Variants in ZNF33A observed in about 807,000 individuals in gnomAD.
ZNF33A encodes the protein zinc finger protein 33A.
Under a neutral mutation model 15.9 loss-of-function variants are expected in ZNF33A, and 9 were observed. That is an observed-to-expected ratio of 0.57 (90% CI 0.34 to 0.99). The LOEUF (loss-of-function observed/expected upper bound fraction) is 0.99. ZNF33A is among the 50% of genes least tolerant of loss of function. The probability of loss-of-function intolerance (pLI) is 0.02; values close to 1 mark genes in which losing one functional copy is unlikely to be tolerated. For missense variants in ZNF33A, 843 were observed against 941.6 expected (o/e 0.90, Z 1.37); for synonymous variants, 294 against 324.2 (o/e 0.91, Z 1.00).
At chr10:38,047,241 G>A (rs2135724513) in intron 4 of ZNF33A, among the ~76,000 whole-genome samples, 1 of 145,316 alleles carries the variant, frequency 6.9e-6, no homozygotes, top group South Asian at 2.2e-4. Flanking sequence ...ACAACTAATG[G>A]CAGTTTAAAC....
intron 4 of ZNF33A, among the ~76,000 whole-genome samples, chr10:38,037,346 G>A (rs1034146861): frequency 3.3e-5 from 3 of 91,240 alleles, no homozygotes; most frequent in African/African-American, 1.3e-4. Flanking sequence ...TTTTTTTTTT[G>A]AGAGGAAGTC....
At chr10:38,051,796 A>G (rs1213681269) in intron 4 of ZNF33A, among the ~76,000 whole-genome samples, 2 of 152,068 alleles carry the variant, frequency 1.3e-5, no homozygotes, top group Non-Finnish European at 2.9e-5. Flanking sequence ...ACTGCCTCAC[A>G]TTTTTATTTT....
chr10:38,054,357 A>G lies in ZNF33A; in HGVS notation c.251-18A>G, dbSNP rs1265546296. 1 of 1,514,232 alleles carries G rather than the reference A, an allele frequency of 6.6e-7. No individual in the cohort carries two copies. Among genetic ancestry groups the G allele is most frequent in the East Asian group, 2.3e-5 (1 of 43,562 alleles). 93.8% of individuals were successfully genotyped at this position (1,514,232 alleles called of 1,614,324 possible). On this transcript the variant is annotated intron_variant, in intron 4 of 4. Coordinates refer to ENST00000432900, the MANE Select transcript of ZNF33A (RefSeq NM_006954.2). ...GTTTTGGTATTTATGTGGTAAGATT[A>G]ATTTTGCTTGTTTCTAGAAGTCTGG...
chr10:38,047,409 C>G (rs2065994264), intron 4 of ZNF33A, among the ~76,000 whole-genome samples: 1 of 151,648 alleles, frequency 6.6e-6, no homozygotes, highest in Admixed American at 6.6e-5. Context: ...GCCTGTGGAT[C>G]ACGAGGTCAA....
intron 4 of ZNF33A, among the ~76,000 whole-genome samples, chr10:38,042,503 C>CTTTTTTTTTTTTTTTTT (rs34942508): frequency 7.4e-6 from 1 of 135,522 alleles, no homozygotes. Context: ...TTGCTTTATT[C>CTTTTTTTTTTTTTTTTT]TTTTTTTTTT....
Position 38,056,991 on chromosome 10 carries a change from C to G in ZNF33A, c.*431C>G. ...TGAGTAGAGAGAATTCCCATGTACA[C>G]TTCACCAAACTTCCTCTAAGGATAA... On this transcript the variant is annotated 3_prime_UTR_variant, in exon 5 of 5. Coordinates refer to ENST00000432900, the MANE Select transcript of ZNF33A (RefSeq NM_006954.2). 2 of 801,500 alleles carry G rather than the reference C, an allele frequency of 2.5e-6. No individual in the cohort carries two copies. The highest frequency in any genetic ancestry group is 3.0e-6 in the Non-Finnish European group (2 of 660,400). 49.6% of individuals were successfully genotyped at this position (801,500 alleles called of 1,614,324 possible).
At chr10:38,024,559 C>T (rs2064900409) in intron 4 of ZNF33A, among the ~76,000 whole-genome samples, 1 of 152,040 alleles carries the variant, frequency 6.6e-6, no homozygotes, top group South Asian at 2.1e-4. Flanking sequence ...AAACTTATTC[C>T]AAAATTTGCA....
chr10:38,038,757 C>T (rs2065562387), intron 4 of ZNF33A, among the ~76,000 whole-genome samples: 1 of 152,096 alleles, frequency 6.6e-6, no homozygotes, highest in African/African-American at 2.4e-5. Context: ...AAGTTTAACT[C>T]TATTCCTGGT....
In ZNF33A at chr10:38,055,157, A is replaced by T. The variant is rs767602605; in HGVS notation, c.1033A>T (p.Thr345Ser). 6.2e-7 allele frequency: 1 copy of T among 1,614,086 alleles called. No individual in the cohort carries two copies. The highest frequency in any genetic ancestry group is 8.5e-7 in the Non-Finnish European group (1 of 1,179,976). Residue 345 changes from threonine to serine, a missense_variant, in exon 5 of 5, where the codon ACT becomes TCT. Transcript: ENST00000432900. ...GKAFWEKSHL[T>S]RHQRVHTGQK... ...AGCTTTCTGGGAGAAGTCACATCTC[A>T]CTCGACATCAGAGGGTGCACACAGG...
intron 4 of ZNF33A, chr10:38,043,840 T>G (rs1473373712): frequency 1.3e-5 from 2 of 151,838 alleles, no homozygotes; most frequent in African/African-American, 2.4e-5. Flanking sequence ...CGTCAACAGA[T>G]GTGCAAGTTT....
At position 38,057,095 on chromosome 10, in the gene ZNF33A, T is replaced by C. The variant is rs2066515043; in HGVS notation, c.*535T>C. 2.9e-6 allele frequency: 2 copies of C among 691,356 alleles called. No individual in the cohort carries two copies. The highest frequency in any genetic ancestry group is 3.6e-6 in the Non-Finnish European group (2 of 560,548). The allele number at this position is 691,356 out of a possible 1,614,324, so 42.8% of individuals were successfully genotyped here. A position where few individuals can be genotyped will look rare whatever the true frequency, so the allele number is the denominator to read the frequency against. ...AGATAGAGACTTAGTCAGATTTTAC[T>C]ATGGTTTGCATGCACTCTGTGTGTG... On this transcript the variant is annotated 3_prime_UTR_variant, in exon 5 of 5. Transcript: ENST00000432900.
intron 4 of ZNF33A, among the ~76,000 whole-genome samples, chr10:38,039,221 T>G (rs2065587315): frequency 6.6e-6 from 1 of 152,036 alleles, no homozygotes; most frequent in South Asian, 2.1e-4. Flanking sequence ...GAAGTTTTCT[T>G]GTCTGTTTTT....
At chr10:38,038,143 CTTAT>C (rs1483655565) in intron 4 of ZNF33A, among the ~76,000 whole-genome samples, 1 of 151,964 alleles carries the variant, frequency 6.6e-6, no homozygotes, top group Admixed American at 6.6e-5. Context: ...TATTTATTTA[CTTAT>C]TTGAGACAGA....
chr10:38,057,619 T>C lies in ZNF33A; in HGVS notation c.*1059T>C, dbSNP rs1423622097. ...TGTTTATCCATTTAAAAGGTATAAA[T>C]CAAAATAACAAATTATCTAAAAAAA... is the stretch of plus-strand genomic sequence containing the variant. On this transcript the variant is annotated 3_prime_UTR_variant, in exon 5 of 5. Coordinates refer to ENST00000432900, the MANE Select transcript of ZNF33A (RefSeq NM_006954.2). 1 of 984,394 alleles carries C rather than the reference T, an allele frequency of 1.0e-6. No individual in the cohort carries two copies. Among genetic ancestry groups the C allele is most frequent in the African/African-American group, 1.7e-5 (1 of 57,202 alleles). The allele number at this position is 984,394 out of a possible 1,614,324, so 61.0% of individuals were successfully genotyped here.
chr10:38,065,733 C>T (rs1171914046), downstream of ZNF33A, among the ~76,000 whole-genome samples: 3 of 146,802 alleles, frequency 2.0e-5, no homozygotes, highest in South Asian at 4.3e-4. Context: ...TTTTTTGAGA[C>T]GGATTTTTGC....
intron 4 of ZNF33A, among the ~76,000 whole-genome samples, chr10:38,038,930 C>T (rs1476919149): frequency 6.6e-6 from 1 of 152,134 alleles, no homozygotes; most frequent in Non-Finnish European, 1.5e-5. Context: ...ATAAATCACA[C>T]TTGATAATTG....
chr10:38,062,774 T>G (rs2066669609), downstream of ZNF33A, among the ~76,000 whole-genome samples: 1 of 151,380 alleles, frequency 6.6e-6, no homozygotes, highest in Non-Finnish European at 1.5e-5. Context: ...GAGGCCGAGG[T>G]GGGCGGATCA....
intron 4 of ZNF33A, among the ~76,000 whole-genome samples, chr10:38,048,415 A>C (rs1450846287): frequency 1.3e-5 from 2 of 152,240 alleles, no homozygotes; most frequent in Admixed American, 6.5e-5. Flanking sequence ...CTATTTCTGA[A>C]AAGTACACTG....
At chr10:38,038,616 T>G (rs1590614624) in intron 4 of ZNF33A, among the ~76,000 whole-genome samples, 1 of 152,220 alleles carries the variant, frequency 6.6e-6, no homozygotes, top group South Asian at 2.1e-4. Flanking sequence ...TAGAATCTCC[T>G]GTGTGATGTG....
Sources: gnomAD v4.1 joint callset for allele counts (sites outside exome capture counted in the v4.1 genomes callset) on GRCh38, gnomAD v4.1.1 for gene constraint, MANE v1.5 for transcripts, NCBI Gene and HGNC (gene_info 2026-07-23, HGNC 2026-07-21) for gene names.